The following STK35 variants were observed in gnomAD, a reference collection of about 807,000 sequenced individuals.
The protein encoded by STK35 is serine/threonine kinase 35.
A neutral mutation model predicts 37.3 loss-of-function variants in STK35; 17 were observed. The ratio of observed to expected loss-of-function variants is 0.46; its 90% confidence interval spans 0.31 to 0.68. The LOEUF is 0.68. STK35 is among the 30% of genes least tolerant of loss of function. The pLI is 0.05. For missense variants in STK35, 595 were observed against 746.7 expected (o/e 0.80, Z 2.37); for synonymous variants, 385 against 319.1 (o/e 1.21, Z -2.20).
At chr20:2,131,826 C>T (rs1381780551) in intron 3 of STK35, among the ~76,000 whole-genome samples, 1 of 152,168 alleles carries the variant, frequency 6.6e-6, no homozygotes, top group East Asian at 1.9e-4. Context: ...TCAAGCTGTC[C>T]TCCTGCCTCA....
At chr20:2,102,622 T>C in intron 1 of STK35, 146 bp from the exon 2 acceptor site, 1 of 693,288 alleles carries the variant, frequency 1.4e-6, no homozygotes, top group Non-Finnish European at 2.1e-6. Context: ...CGCTTTCCCC[T>C]CCCCTCCCCC....
intron 3 of STK35, among the ~76,000 whole-genome samples, chr20:2,118,255 T>C (rs1450790223): frequency 6.6e-6 from 1 of 152,206 alleles, no homozygotes; most frequent in African/African-American, 2.4e-5. Context: ...TCTCCTACTT[T>C]AGAAAACAGA....
Position 2,144,314 on chromosome 20 carries a change from G to A in STK35, c.*568G>A, listed in dbSNP as rs1489777415. ...TCCCTACCAGATGCAGGAACTCCTG[G>A]ACTCCTTGGTGGGCTGGCCCTGGCT... is the stretch of plus-strand genomic sequence containing the variant. On this transcript the variant is annotated 3_prime_UTR_variant, in exon 4 of 4. Transcript: ENST00000381482. 1.1e-5 allele frequency: 2 copies of A among 189,478 alleles called. No individual in the cohort carries two copies. Among genetic ancestry groups the A allele is most frequent in the African/African-American group, 4.8e-5 (2 of 41,620 alleles). The allele number at this position is 189,478 out of a possible 1,614,324, so 11.7% of individuals were successfully genotyped here.
At chr20:2,118,984 G>A (rs1025494466) in intron 3 of STK35, among the ~76,000 whole-genome samples, 12 of 152,256 alleles carry the variant, frequency 7.9e-5, no homozygotes, top group Middle Eastern at 3.4e-3. Context: ...CTCAGAAATC[G>A]TTAAGCAGCC....
rs772368980 is a variant in STK35, at chr20:2,103,010, G to C, written c.537G>C (p.Glu179Asp). The part of the protein sequence containing the change: ...AARAMDPVAA[E>D]APGEAFLARR... ...GGGCCATGGATCCGGTGGCGGCCGA[G>C]GCCCCGGGCGAGGCCTTCCTGGCGC... Residue 179 changes from glutamate to aspartate, a missense_variant, in exon 2 of 4, where the codon GAG (glutamate) becomes GAC (aspartate). Physicochemically the swap from Glu to Asp is conservative, Grantham distance 45 (BLOSUM62 2). Coordinates refer to ENST00000381482, the MANE Select transcript of STK35 (RefSeq NM_080836.4). 3 of 1,424,126 alleles carry C rather than the reference G, an allele frequency of 2.1e-6. No homozygotes were observed. Among genetic ancestry groups the C allele is most frequent in the South Asian group, 3.0e-5 (2 of 67,438 alleles). The allele number at this position is 1,424,126 out of a possible 1,614,324, so 88.2% of individuals were successfully genotyped here. A position where few individuals can be genotyped will look rare whatever the true frequency, so the allele number is the denominator to read the frequency against.
At chr20:2,115,494 G>A (rs891063936) in intron 2 of STK35, among the ~76,000 whole-genome samples, 2 of 152,036 alleles carry the variant, frequency 1.3e-5, no homozygotes, top group Non-Finnish European at 2.9e-5. Context: ...CAGCACATTT[G>A]CAGGCCCAGC....
intron 3 of STK35, among the ~76,000 whole-genome samples, chr20:2,136,551 C>CT (rs1401977829): frequency 2.4e-4 from 37 of 152,342 alleles, no homozygotes; most frequent in African/African-American, 8.7e-4. Context: ...GTGCAGAGCA[C>CT]TTGGCAGTGA....
intron 2 of STK35, 135 bp from the exon 3 acceptor site, chr20:2,116,531 G>T (rs1985720156): frequency 2.1e-6 from 2 of 955,780 alleles, no homozygotes; most frequent in Non-Finnish European, 1.6e-6. Context: ...AAGGCACTCA[G>T]TGCCAGTTGT....
chr20:2,122,900 A>G (rs1985843974), intron 3 of STK35, among the ~76,000 whole-genome samples: 1 of 152,218 alleles, frequency 6.6e-6, no homozygotes, highest in Non-Finnish European at 1.5e-5. Context: ...CTTGTTCCAG[A>G]AAAGTATATC....
At chr20:2,137,425 C>T (rs1408779813) in intron 3 of STK35, among the ~76,000 whole-genome samples, 1 of 152,206 alleles carries the variant, frequency 6.6e-6, no homozygotes, top group Non-Finnish European at 1.5e-5. Context: ...GGTGAGCTGC[C>T]TTGGTTTGGT....
chr20:2,114,333 C>T (rs890499923), intron 2 of STK35, among the ~76,000 whole-genome samples: 17 of 152,024 alleles, frequency 1.1e-4, no homozygotes, highest in East Asian at 5.8e-4. Flanking sequence ...TTTGGAAGTA[C>T]GTTGGGAAGC....
rs1986228178 is a variant in STK35, at chr20:2,144,610, G to C, written c.*864G>C. The C allele has an allele frequency of 6.5e-6, 1 of 152,934 alleles. No homozygotes were observed. Among genetic ancestry groups the C allele is most frequent in the Non-Finnish European group, 1.5e-5 (1 of 68,208 alleles). 9.5% of individuals were successfully genotyped at this position (152,934 alleles called of 1,614,324 possible). A position where few individuals can be genotyped will look rare whatever the true frequency, so the allele number is the denominator to read the frequency against. Reference sequence around the variant, plus strand: ...CCCTGCCTTTCTGTTGGGAAAAACTGTTGTGCCAAACTCTTGTGTGGAACA... The same window carrying C: ...CCCTGCCTTTCTGTTGGGAAAAACTCTTGTGCCAAACTCTTGTGTGGAACA... On this transcript the variant is annotated 3_prime_UTR_variant, in exon 4 of 4. Coordinates refer to ENST00000381482, the MANE Select transcript of STK35 (RefSeq NM_080836.4).
In STK35 at chr20:2,147,374, T is replaced by C. The variant is rs1340094754; in HGVS notation, c.*3628T>C. 1 of 152,676 alleles carries C rather than the reference T, an allele frequency of 6.5e-6. No individual in the cohort carries two copies. The highest frequency in any genetic ancestry group is 1.5e-5 in the Non-Finnish European group (1 of 68,046). The allele number at this position is 152,676 out of a possible 1,614,324, so 9.5% of individuals were successfully genotyped here. On this transcript the variant is annotated 3_prime_UTR_variant, in exon 4 of 4. Coordinates refer to ENST00000381482, the MANE Select transcript of STK35 (RefSeq NM_080836.4). ...AGTGTTTGGAGCAATAAGATGATTA[T>C]TTTTGCTTGAATCTTTTTCTAAGAG... is the stretch of plus-strand genomic sequence containing the variant.
Position 2,117,523 on chromosome 20 carries a change from C to T in STK35, c.*37+108C>T. ...GCAGTGGCAGGATCTCAGCTCACTGCAACCTCCACCTCCCGAGTTCAAGTG... is the reference window on the plus strand; with the variant it reads ...GCAGTGGCAGGATCTCAGCTCACTGTAACCTCCACCTCCCGAGTTCAAGTG... On this transcript the variant is annotated intron_variant, in intron 3 of 3. Coordinates refer to ENST00000381482, the MANE Select transcript of STK35 (RefSeq NM_080836.4). The surrounding 1 kb of genome is among the most constrained non-coding windows in gnomAD (Gnocchi z 4.4). 1.7e-6 allele frequency: 1 copy of T among 597,608 alleles called. No homozygotes were observed. The highest frequency in any genetic ancestry group is 2.5e-5 in the South Asian group (1 of 40,124). The allele number at this position is 597,608 out of a possible 1,614,324, so 37.0% of individuals were successfully genotyped here.
At chr20:2,119,044 A>G (rs911239843) in intron 3 of STK35, among the ~76,000 whole-genome samples, 2 of 152,244 alleles carry the variant, frequency 1.3e-5, no homozygotes, top group African/African-American at 4.8e-5. Flanking sequence ...GGGTGACATG[A>G]TAAGCCAAAT....
intron 3 of STK35, among the ~76,000 whole-genome samples, chr20:2,139,795 T>TA (rs1204196832): frequency 2.6e-5 from 4 of 152,216 alleles, no homozygotes; most frequent in Non-Finnish European, 4.4e-5. Flanking sequence ...TGATTGCTGT[T>TA]ACGCCAGTTA....
At chr20:2,126,218 A>G (rs1224541909) in intron 3 of STK35, among the ~76,000 whole-genome samples, 1 of 152,154 alleles carries the variant, frequency 6.6e-6, no homozygotes, top group Non-Finnish European at 1.5e-5. Context: ...AGATTCTGGC[A>G]TATGGTAGGC....
intron 3 of STK35, among the ~76,000 whole-genome samples, chr20:2,135,846 G>C (rs967449901): frequency 6.6e-6 from 1 of 152,176 alleles, no homozygotes; most frequent in East Asian, 1.9e-4. Flanking sequence ...AGACTAATAA[G>C]ACTAATTAGC....
At chr20:2,124,985 G>A (rs942483006) in intron 3 of STK35, among the ~76,000 whole-genome samples, 14 of 152,300 alleles carry the variant, frequency 9.2e-5, no homozygotes, top group African/African-American at 3.4e-4. Flanking sequence ...GGCCCCCCAG[G>A]GATCATCTGT....
Sources: gnomAD v4.1 joint callset for allele counts (sites outside exome capture counted in the v4.1 genomes callset) on GRCh38, gnomAD v4.1.1 for gene constraint, Gnocchi (gnomAD v3.1) non-coding constraint, MANE v1.5 for transcripts, NCBI Gene and HGNC (gene_info 2026-07-23, HGNC 2026-07-21) for gene names.